The following NAP1L1 variants were observed in gnomAD, a reference collection of about 807,000 sequenced individuals.
NAP1L1 encodes nucleosome assembly protein 1 like 1.
In NAP1L1, 9 loss-of-function variants were observed where a neutral mutation model predicts 58.9. The ratio of observed to expected loss-of-function variants is 0.15; its 90% CI spans 0.09 to 0.27. NAP1L1 has a LOEUF of 0.27. Ranked by LOEUF, NAP1L1 falls within the 10% of genes least tolerant of loss-of-function variation. The probability of loss-of-function intolerance (pLI) is 1.00; values close to 1 mark genes in which losing one functional copy is unlikely to be tolerated. For synonymous variants in NAP1L1, 130 were observed against 138.3 expected (o/e 0.94, Z 0.42); for missense variants, 302 against 458.8 (o/e 0.66, Z 3.12).
In NAP1L1 at chr12:76,045,348, T is replaced by C. The variant is rs1372342122; in HGVS notation, c.*3081A>G. 1 of 152,120 alleles carries C rather than the reference T, an allele frequency of 6.6e-6. No homozygotes were observed. Among genetic ancestry groups the C allele is most frequent in the Admixed American group, 6.5e-5 (1 of 15,282 alleles). 9.4% of individuals were successfully genotyped at this position (152,120 alleles called of 1,614,324 possible). A position where few individuals can be genotyped will look rare whatever the true frequency, so the allele number is the denominator to read the frequency against. ...AAGCATTCAAATATTTGAATATTAG[T>C]TCAATATTTCTACATAGCACGATAA... On this transcript the variant is annotated 3_prime_UTR_variant, in exon 15 of 15. Coordinates refer to ENST00000618691, the MANE Select transcript of NAP1L1 (RefSeq NM_004537.7).
At chr12:76,066,370 CAG>C in intron 4 of NAP1L1, among the ~76,000 whole-genome samples, 1 of 152,008 alleles carries the variant, frequency 6.6e-6, no homozygotes, top group Non-Finnish European at 1.5e-5. Context: ...AACTGTTTAC[CAG>C]AGGACTCCAT....
intron 1 of NAP1L1, among the ~76,000 whole-genome samples, chr12:76,076,549 AATAT>A (rs58649228): frequency 0.016 from 1,959 of 120,108 alleles, 25 homozygotes; most frequent in African/African-American, 0.032. Context: ...TGGATATGGA[AATAT>A]ATATATATAT....
In NAP1L1 at chr12:76,053,773, G is replaced by A; in HGVS notation, c.767C>T (p.Thr256Ile). The change falls in exon 9 of 15, where the codon ACA becomes ATA. Residue 256 changes from threonine to isoleucine, a missense_variant. Physicochemically the swap from Thr to Ile is moderately conservative, Grantham distance 89. Transcript: ENST00000618691. Reference protein sequence around the residue: ...SFDGPEIMGCTGCQIDWKKGK... With the variant: ...SFDGPEIMGCIGCQIDWKKGK... ...AAGGTAGTAAAATTAAACTCACCCT[G>A]TACAACCCATAATTTCTGGTCCATC... is the stretch of plus-strand genomic sequence containing the variant. The A allele has an allele frequency of 1.2e-6, 2 of 1,608,570 alleles. No homozygotes were observed. Among genetic ancestry groups the A allele is most frequent in the South Asian group, 1.1e-5 (1 of 90,038 alleles).
intron 4 of NAP1L1, among the ~76,000 whole-genome samples, chr12:76,063,595 C>T (rs753180462): frequency 3.9e-5 from 6 of 152,024 alleles, no homozygotes; most frequent in Non-Finnish European, 8.8e-5. Flanking sequence ...CTCGGGAGTT[C>T]GAGACTAGCC....
At position 76,045,066 on chromosome 12, in the gene NAP1L1, C is replaced by T. The variant is rs1019270735; in HGVS notation, c.*3363G>A. The T allele has an allele frequency of 6.6e-6, 1 of 151,950 alleles. No homozygotes were observed. The highest frequency in any genetic ancestry group is 1.5e-5 in the Non-Finnish European group (1 of 67,936). The allele number at this position is 151,950 out of a possible 1,614,324, so 9.4% of individuals were successfully genotyped here. Reference sequence around the variant, plus strand: ...TAGCAAATTACCTAAATTATGAACACATATTTCCAAAAACAAAATCAAGCT... The same window carrying T: ...TAGCAAATTACCTAAATTATGAACATATATTTCCAAAAACAAAATCAAGCT... On this transcript the variant is annotated 3_prime_UTR_variant, in exon 15 of 15. Coordinates refer to ENST00000618691, the MANE Select transcript of NAP1L1 (RefSeq NM_004537.7).
Position 76,048,365 on chromosome 12 carries a change from T to C in NAP1L1, c.*64A>G. On this transcript the variant is annotated 3_prime_UTR_variant, in exon 15 of 15. Transcript: ENST00000618691. ...AAATACAAAAACATAAGGCTGTAAG[T>C]AAATAAGAGTTGTGTTTAGGCTATT... 6.4e-7 allele frequency: 1 copy of C among 1,560,242 alleles called. No individual in the cohort carries two copies. Among genetic ancestry groups the C allele is most frequent in the South Asian group, 1.1e-5 (1 of 87,394 alleles).
At position 76,040,319 on chromosome 12, in the gene NAP1L1, G is replaced by T. The variant is rs1348519708; in HGVS notation, c.*8110C>A. 6.6e-6 allele frequency: 1 copy of T among 151,976 alleles called. No individual in the cohort carries two copies. The highest frequency in any genetic ancestry group is 1.5e-5 in the Non-Finnish European group (1 of 67,994). 9.4% of individuals were successfully genotyped at this position (151,976 alleles called of 1,614,324 possible). ...TGCAACTATTGATATGCCTTCCCTT[G>T]ACTTTAAAAAACAACTAAGTTGACT... On this transcript the variant is annotated 3_prime_UTR_variant, in exon 15 of 15. Transcript: ENST00000618691.
Position 76,049,105 on chromosome 12 carries a change from A to G in NAP1L1, c.1140+95T>C, listed in dbSNP as rs544222662. The G allele has an allele frequency of 2.8e-5, 35 of 1,255,478 alleles. No individual in the cohort carries two copies. The East Asian group carries it at 3.5e-4, about 13-fold the overall frequency. 77.8% of individuals were successfully genotyped at this position (1,255,478 alleles called of 1,614,324 possible). A position where few individuals can be genotyped will look rare whatever the true frequency, so the allele number is the denominator to read the frequency against. On this transcript the variant is annotated intron_variant, in intron 14 of 14. Transcript: ENST00000618691. ...ATCCAGTCAATAGGCTTTATTTATT[A>G]AAGACTTTAACGGAGAGAAACTTGA...
chr12:76,072,445 A>G (rs1949999140), intron 2 of NAP1L1, among the ~76,000 whole-genome samples: 1 of 152,104 alleles, frequency 6.6e-6, no homozygotes, highest in African/African-American at 2.4e-5. Context: ...AAAATAGGAC[A>G]AAAGGTCATG....
Position 76,048,290 on chromosome 12 carries a change from A to G in NAP1L1, c.*139T>C. ...TGCTAGGTAGAACAAATTGGTCTTT[A>G]AAATATCAGTTTCCTGTCCTTTAAA... is the stretch of plus-strand genomic sequence containing the variant. On this transcript the variant is annotated 3_prime_UTR_variant, in exon 15 of 15. Coordinates refer to ENST00000618691, the MANE Select transcript of NAP1L1 (RefSeq NM_004537.7). 5.6e-6 allele frequency: 5 copies of G among 897,920 alleles called. No individual in the cohort carries two copies. Among genetic ancestry groups the G allele is most frequent in the Non-Finnish European group, 8.5e-6 (5 of 591,396 alleles). The allele number at this position is 897,920 out of a possible 1,614,324, so 55.6% of individuals were successfully genotyped here.
chr12:76,080,789 G>T (rs561016250), intron 1 of NAP1L1, among the ~76,000 whole-genome samples: 1 of 152,300 alleles, frequency 6.6e-6, no homozygotes, highest in South Asian at 2.1e-4. Flanking sequence ...AATCCCCTAT[G>T]TGGCAGCACT....
In NAP1L1 at chr12:76,038,733, A is replaced by G. The variant is rs766704938; in HGVS notation, c.*9696T>C. 6.6e-6 allele frequency: 1 copy of G among 152,190 alleles called. No individual in the cohort carries two copies. The highest frequency in any genetic ancestry group is 2.4e-5 in the African/African-American group (1 of 41,442). The allele number at this position is 152,190 out of a possible 1,614,324, so 9.4% of individuals were successfully genotyped here. A position where few individuals can be genotyped will look rare whatever the true frequency, so the allele number is the denominator to read the frequency against. ...AGAAGATAAAACCCAGGAAATGTTT[A>G]TGGCAAGCTTGTATGTTGCCACTAA... On this transcript the variant is annotated 3_prime_UTR_variant, in exon 15 of 15. Coordinates refer to ENST00000618691, the MANE Select transcript of NAP1L1 (RefSeq NM_004537.7).
rs1948655412 is a variant in NAP1L1 at position 76,047,981 on chromosome 12, CTT to C, written c.*446_*447del. The C allele has an allele frequency of 1.3e-5, 2 of 155,892 alleles. No individual in the cohort carries two copies. Among genetic ancestry groups the C allele is most frequent in the Non-Finnish European group, 2.8e-5 (2 of 70,900 alleles). The allele number at this position is 155,892 out of a possible 1,614,324, so 9.7% of individuals were successfully genotyped here. A position where few individuals can be genotyped will look rare whatever the true frequency, so the allele number is the denominator to read the frequency against. On this transcript the variant is annotated 3_prime_UTR_variant, in exon 15 of 15. Transcript: ENST00000618691. Reference sequence around the variant, plus strand: ...ATTTTTTTTTTAAACAATAAATTGTCTTAGTATAAGTCACTGCATTTCTGTAA... The same window carrying C: ...ATTTTTTTTTTAAACAATAAATTGTCAGTATAAGTCACTGCATTTCTGTAA...
At position 76,058,191 on chromosome 12, in the gene NAP1L1, C is replaced by CTTCATATATATATATATA. The variant is rs1243475241; in HGVS notation, c.429+1606_429+1607insTATATATATATATATGAA. ...TAGATATGGCCAAAGGGAGAGAGGC[C>CTTCATATATATATATATA]TACATATATATATATATATATATAT... On this transcript the variant is annotated intron_variant, in intron 6 of 14. Coordinates refer to ENST00000618691, the MANE Select transcript of NAP1L1 (RefSeq NM_004537.7). 46 of 315,540 alleles carry CTTCATATATATATATATA rather than the reference C, an allele frequency of 1.5e-4. No homozygotes were observed. The African/African-American group carries it at 1.9e-3, about 13-fold the overall frequency. 19.5% of individuals were successfully genotyped at this position (315,540 alleles called of 1,614,324 possible).
chr12:76,075,517 C>A (rs966156603), intron 1 of NAP1L1, among the ~76,000 whole-genome samples: 2 of 152,116 alleles, frequency 1.3e-5, no homozygotes, highest in South Asian at 2.1e-4. Flanking sequence ...AGTATCTATC[C>A]TTTAGAGTAA....
chr12:76,048,552 G>T, intron 14 of NAP1L1, 88 bp from the exon 15 acceptor site: 1 of 1,310,540 alleles, frequency 7.6e-7, no homozygotes, highest in Non-Finnish European at 1.1e-6. Flanking sequence ...AATTATAACA[G>T]TAGCTCACTG....
At chr12:76,049,101 T>C (rs1389508002) in intron 14 of NAP1L1, 99 bp downstream of exon 14, 2 of 1,211,910 alleles carry the variant, frequency 1.7e-6, no homozygotes, top group Non-Finnish European at 2.4e-6. Flanking sequence ...AGGCTTTATT[T>C]ATTAAAGACT....
intron 1 of NAP1L1, among the ~76,000 whole-genome samples, chr12:76,080,325 G>A (rs191849978): frequency 3.9e-5 from 6 of 152,224 alleles, no homozygotes; most frequent in Admixed American, 6.5e-5. Flanking sequence ...TACTTGATAA[G>A]GACAATAAAT....
At chr12:76,051,064 C>T (rs1034178773) in intron 11 of NAP1L1, among the ~76,000 whole-genome samples, 4 of 150,342 alleles carry the variant, frequency 2.7e-5, no homozygotes, top group Non-Finnish European at 5.9e-5. Context: ...GGAAGAAATG[C>T]TCAACTTTAC....
Sources: allele counts gnomAD v4.1 joint callset (sites outside exome capture counted in the v4.1 genomes callset), GRCh38; gene constraint gnomAD v4.1.1; transcripts MANE v1.5; gene names NCBI Gene and HGNC (gene_info 2026-07-23, HGNC 2026-07-21).